MGST1: variants seen among roughly 807,000 people sequenced by gnomAD.
MGST1 encodes the protein glutathione S-transferase 12.
MGST1 carries 5 observed loss-of-function variants against 8.9 expected under a neutral mutation model. That is an observed-to-expected ratio of 0.56 (90% CI 0.29 to 1.19). The LOEUF is 1.19. Ranked by LOEUF, MGST1 falls within the 50% of genes most tolerant of loss-of-function variation. MGST1 has a pLI of 0.08. For missense variants in MGST1, 182 were observed against 187.4 expected, an observed-to-expected ratio of 0.97 and a Z score of 0.17; for synonymous variants, 54 against 67.8, an observed-to-expected ratio of 0.80 and a Z score of 1.00.
Position 16,410,872 on chromosome 12 carries a change from C to G in MGST1, n.779-26516C>G, listed in dbSNP as rs1428885916. On this transcript the variant is annotated intron_variant and non_coding_transcript_variant, in intron 1 of 1. Transcript: ENST00000359720. This position sits in a 1 kb window ranked among gnomAD's most constrained non-coding sequence, Gnocchi z 4.4. The stretch of plus-strand genomic sequence containing the variant: ...TGACTCCATTTTTTCCCAAGATGTT[C>G]CAGAATCACTATTTCTCTTGCTTTT... Among the ~76,000 whole-genome samples the G allele has an allele frequency of 1.3e-5, 2 of 151,956 alleles. No homozygotes were observed. Among genetic ancestry groups the G allele is most frequent in the East Asian group, 1.9e-4 (1 of 5,194 alleles).
At chr12:16,462,798 A>G (rs34397) in intron 4 of MGST1, among the ~76,000 whole-genome samples, 151,653 of 152,280 alleles carry the variant, frequency 1, 75,515 homozygotes, top group Middle Eastern at 1. Flanking sequence ...ATCACGTGGT[A>G]GCTAACTATA....
intron 1 of MGST1, among the ~76,000 whole-genome samples, chr12:16,394,819 AG>A (rs1940590757): frequency 6.6e-6 from 1 of 151,996 alleles, no homozygotes; most frequent in African/African-American, 2.4e-5. Context: ...CTGGTCTCCA[AG>A]TCTTAGCCTC....
intron 4 of MGST1, among the ~76,000 whole-genome samples, chr12:16,457,203 A>AC (rs1390528177): frequency 1.3e-4 from 20 of 151,994 alleles, no homozygotes; most frequent in Admixed American, 5.9e-4. Flanking sequence ...ATGCATACTT[A>AC]TTAAATATTT....
At chr12:16,589,886 G>A (rs551424948), downstream of MGST1, among the ~76,000 whole-genome samples, 2 of 152,178 alleles carry the variant, frequency 1.3e-5, no homozygotes, top group Non-Finnish European at 2.9e-5. The surrounding 1 kb of genome is among the most constrained non-coding windows in gnomAD (Gnocchi z 4.2). Flanking sequence ...ATTAAGCCTC[G>A]TAAAGCTCTC....
intron 4 of MGST1, among the ~76,000 whole-genome samples, chr12:16,527,381 T>TA (rs1356405065): frequency 6.6e-6 from 1 of 152,008 alleles, no homozygotes; most frequent in Non-Finnish European, 1.5e-5. Context: ...CATTATGTCT[T>TA]ACACTAACAT....
At chr12:16,581,737 G>A (rs1034872610) in intron 4 of MGST1, among the ~76,000 whole-genome samples, 4 of 151,864 alleles carry the variant, frequency 2.6e-5, no homozygotes, top group Admixed American at 2.0e-4. Flanking sequence ...TTTTTCAGCA[G>A]AGTTTTCCTT....
intron 1 of MGST1, among the ~76,000 whole-genome samples, chr12:16,393,360 A>G (rs1419088712): frequency 6.6e-6 from 1 of 152,194 alleles, no homozygotes; most frequent in Non-Finnish European, 1.5e-5. Flanking sequence ...CATTTCCAAA[A>G]GAGTAAAGTG....
chr12:16,517,520 T>C lies in MGST1; in HGVS notation n.483-72008T>C, dbSNP rs573633998. 3.3e-5 allele frequency among the ~76,000 whole-genome samples: 5 copies of C among 152,290 alleles called. No homozygotes were observed. In the East Asian group the frequency reaches 9.6e-4, roughly 29 times the overall value. On this transcript the variant is annotated intron_variant and non_coding_transcript_variant, in intron 4 of 4. Coordinates refer to the MGST1 transcript ENST00000538857. The surrounding 1 kb of genome is among the most constrained non-coding windows in gnomAD (Gnocchi z 4.2). ...CCAAAATCATGAGCCAAATAAAATA[T>C]TATTGTTTGTAAATTACCCAGTCAG...
At chr12:16,562,901 C>T (rs905968637) in intron 4 of MGST1, among the ~76,000 whole-genome samples, 10 of 152,186 alleles carry the variant, frequency 6.6e-5, no homozygotes, top group Admixed American at 4.6e-4. Context: ...AGTTCTCTGA[C>T]GTTATAGCCT....
chr12:16,348,434 A>G (rs1939297719), intron 1 of MGST1, among the ~76,000 whole-genome samples: 1 of 152,148 alleles, frequency 6.6e-6, no homozygotes, highest in Admixed American at 6.5e-5. Flanking sequence ...TTCGGGAATT[A>G]AGGTGTCATA....
At chr12:16,480,642 C>T (rs147814837) in intron 4 of MGST1, among the ~76,000 whole-genome samples, 67 of 152,120 alleles carry the variant, frequency 4.4e-4, no homozygotes, top group Admixed American at 1.5e-3. Flanking sequence ...ATGAAATGTC[C>T]CTGACCTATC....
intron 4 of MGST1, among the ~76,000 whole-genome samples, chr12:16,460,795 G>A (rs116239696): frequency 5.8e-4 from 88 of 151,960 alleles, no homozygotes; most frequent in African/African-American, 2.1e-3. Context: ...CCTCATAAGC[G>A]CATGTGTGTT....
rs1214754539 is a variant in MGST1, at chr12:16,458,875, T to G, written n.482+75271T>G. Among the ~76,000 whole-genome samples the G allele has an allele frequency of 6.6e-6, 1 of 152,022 alleles. No individual in the cohort carries two copies. Among genetic ancestry groups the G allele is most frequent in the Non-Finnish European group, 1.5e-5 (1 of 67,982 alleles). ...TCCATGTTCAGTGATAAGTAGTGGC[T>G]TGTTAGGAAAGCTATATGACCTATC... On this transcript the variant is annotated intron_variant and non_coding_transcript_variant, in intron 4 of 4. Transcript: ENST00000538857. This position sits in a 1 kb window ranked among gnomAD's most constrained non-coding sequence, Gnocchi z 4.0.
At chr12:16,432,729 C>CAGAGAG (rs796540022) in intron 1 of MGST1, among the ~76,000 whole-genome samples, 3,655 of 130,938 alleles carry the variant, frequency 0.028, 48 homozygotes, top group Non-Finnish European at 0.038. Context: ...CACACACACA[C>CAGAGAG]ACAGAGAGAG....
intron 4 of MGST1, among the ~76,000 whole-genome samples, chr12:16,531,449 GA>G (rs907851165): frequency 6.6e-6 from 1 of 151,846 alleles, no homozygotes; most frequent in African/African-American, 2.4e-5. Context: ...ATAAGGTTGA[GA>G]AAAAAATAGA....
intron 4 of MGST1, among the ~76,000 whole-genome samples, chr12:16,563,794 T>C (rs1198510193): frequency 1.3e-5 from 2 of 152,174 alleles, no homozygotes; most frequent in Non-Finnish European, 2.9e-5. Flanking sequence ...GAAATTTTGA[T>C]CTAAATTAAT....
In MGST1 at chr12:16,362,914, C is replaced by T. The variant is rs575356393; in HGVS notation, c.222-881C>T. Reference sequence around the variant, plus strand: ...TACCACTGCACTTCAGCCTGAGCAACAGAGCAAGACCCCCTCTCTAAAAAC... The same window carrying T: ...TACCACTGCACTTCAGCCTGAGCAATAGAGCAAGACCCCCTCTCTAAAAAC... On this transcript the variant is annotated intron_variant, in intron 3 of 3. Coordinates refer to ENST00000396210, the MANE Select transcript of MGST1 (RefSeq NM_020300.5). The surrounding 1 kb of genome is among the most constrained non-coding windows in gnomAD (Gnocchi z 4.4). 1 of 152,290 alleles carries T rather than the reference C, an allele frequency of 6.6e-6. No individual in the cohort carries two copies. Among genetic ancestry groups the T allele is most frequent in the African/African-American group, 2.4e-5 (1 of 41,542 alleles). 9.4% of individuals were successfully genotyped at this position (152,290 alleles called of 1,614,324 possible).
At chr12:16,400,977 C>A (rs1484360926) in intron 1 of MGST1, 2 of 1,441,604 alleles carry the variant, frequency 1.4e-6, no homozygotes, top group Admixed American at 3.3e-5. Flanking sequence ...TTGAGTTGAG[C>A]CACTAGTTCT....
chr12:16,443,951 A>G (rs1265201275), intron 4 of MGST1, among the ~76,000 whole-genome samples: 2 of 151,942 alleles, frequency 1.3e-5, no homozygotes, highest in Non-Finnish European at 2.9e-5. Context: ...AAAGTTGTCA[A>G]CTTGCCACTA....
Sources: allele counts gnomAD v4.1 joint callset (sites outside exome capture counted in the v4.1 genomes callset), GRCh38; gene constraint gnomAD v4.1.1; non-coding constraint Gnocchi (gnomAD v3.1); transcripts MANE v1.5; gene names NCBI Gene and HGNC (gene_info 2026-07-23, HGNC 2026-07-21).